Variants in PWWP2A observed in about 807,000 individuals in gnomAD.
The protein encoded by PWWP2A is PWWP domain-containing protein 2A.
Under a neutral mutation model 48.5 loss-of-function variants are expected in PWWP2A, and 18 were observed. The observed-to-expected ratio is 0.37, with a 90% CI of 0.26 to 0.55. PWWP2A has a LOEUF of 0.55. Among genes scored for constraint, PWWP2A ranks in the 20% least tolerant of loss-of-function variants. PWWP2A has a pLI of 0.81. For missense variants in PWWP2A, 867 were observed against 976.4 expected (o/e 0.89, Z 1.49); for synonymous variants, 396 against 387.7 (o/e 1.02, Z -0.25).
intron 1 of PWWP2A, among the ~76,000 whole-genome samples, chr5:160,095,047 CAAAAAAAAAAAAAA>C (rs70987998): frequency 4.2e-4 from 13 of 30,884 alleles, no homozygotes; most frequent in South Asian, 3.9e-3. Flanking sequence ...GACTCTGTCT[CAAAAAAAAAAAAAA>C]AAAAAAAAAA....
intron 1 of PWWP2A, among the ~76,000 whole-genome samples, chr5:160,100,397 G>A (rs1468535181): frequency 4.6e-5 from 7 of 152,090 alleles, no homozygotes; most frequent in East Asian, 1.9e-4. Flanking sequence ...GCTTGAGGTG[G>A]GAGGATTGCT....
At chr5:160,118,260 A>G (rs1758330648) in intron 1 of PWWP2A, among the ~76,000 whole-genome samples, 1 of 152,266 alleles carries the variant, frequency 6.6e-6, no homozygotes, top group African/African-American at 2.4e-5. Context: ...TCTAACCGTA[A>G]GAATTACAGT....
intron 1 of PWWP2A, among the ~76,000 whole-genome samples, chr5:160,110,972 C>CAAAAAA (rs1195225635): frequency 7.4e-5 from 4 of 54,128 alleles, no homozygotes; most frequent in Non-Finnish European, 1.6e-4. Flanking sequence ...GACTCTGTCT[C>CAAAAAA]AAAAAAAAAA....
Position 160,091,376 on chromosome 5 carries a change from GTTTTT to G in PWWP2A, c.*1001_*1005del. On this transcript the variant is annotated 3_prime_UTR_variant, in exon 2 of 2. Transcript: ENST00000307063. ...TGATTTTATTTACAGCTTTTTTTTGGTTTTTTTTTTTTTTTTTACATTTCAGAGCA... is the reference window on the plus strand; with the variant it reads ...TGATTTTATTTACAGCTTTTTTTTGGTTTTTTTTTTTTACATTTCAGAGCA... 2.3e-6 allele frequency: 2 copies of G among 880,382 alleles called. No homozygotes were observed. Among genetic ancestry groups the G allele is most frequent in the Non-Finnish European group, 2.7e-6 (2 of 749,330 alleles). The allele number at this position is 880,382 out of a possible 1,614,324, so 54.5% of individuals were successfully genotyped here.
At chr5:160,102,643 T>C (rs1756440600) in intron 1 of PWWP2A, among the ~76,000 whole-genome samples, 1 of 152,134 alleles carries the variant, frequency 6.6e-6, no homozygotes, top group African/African-American at 2.4e-5. Context: ...TAAAGAATTA[T>C]TAGTGCAAGG....
At chr5:160,101,189 A>G (rs1253124850) in intron 1 of PWWP2A, among the ~76,000 whole-genome samples, 1 of 152,198 alleles carries the variant, frequency 6.6e-6, no homozygotes, top group Non-Finnish European at 1.5e-5. Context: ...TGTCTCTACT[A>G]AAAATACAAA....
chr5:160,061,545 C>T (rs1054894076), downstream of PWWP2A, among the ~76,000 whole-genome samples: 2 of 152,128 alleles, frequency 1.3e-5, no homozygotes, highest in African/African-American at 2.4e-5. Flanking sequence ...GTCAGGTGAC[C>T]TTAGGTCTTC....
In PWWP2A at chr5:160,109,757, GAA is replaced by G. The variant is rs755988668; in HGVS notation, c.584+9046_584+9047del. Among the ~76,000 whole-genome samples, 205 of 53,282 alleles carry G rather than the reference GAA, an allele frequency of 3.8e-3. 1 individual carries two copies. The highest frequency in any genetic ancestry group is 5.9e-3 in the South Asian group (8 of 1,354). 35.0% of individuals were successfully genotyped at this position (53,282 alleles called of 152,430 possible). On this transcript the variant is annotated intron_variant, in intron 1 of 1. Coordinates refer to ENST00000307063, the MANE Select transcript of PWWP2A (RefSeq NM_001130864.2). The stretch of plus-strand genomic sequence containing the variant: ...AGGAAATGCAAGAGGATGCAACTGG[GAA>G]AAAAAAAAAAAAAAAATATATATAT...
At chr5:160,095,483 A>G (rs1755541754) in intron 1 of PWWP2A, among the ~76,000 whole-genome samples, 1 of 152,144 alleles carries the variant, frequency 6.6e-6, no homozygotes, top group African/African-American at 2.4e-5. Context: ...CATGTTGACT[A>G]TATGCACTAT....
At chr5:160,066,297 T>TTTTTTTTTTTC (rs1753607302) in intron 4 of PWWP2A, among the ~76,000 whole-genome samples, 3 of 60,748 alleles carry the variant, frequency 4.9e-5, no homozygotes, top group Non-Finnish European at 1.2e-4. Flanking sequence ...GTGGTTCTCA[T>TTTTTTTTTTTC]TTTTTTTTTT....
At chr5:160,089,674 G>A, downstream of PWWP2A, 1 of 1,283,274 alleles carries the variant, frequency 7.8e-7, no homozygotes, top group Non-Finnish European at 1.0e-6. Flanking sequence ...CAGAAATAAA[G>A]ACATTCTTAG....
At chr5:160,104,718 T>C (rs1756688793) in intron 1 of PWWP2A, among the ~76,000 whole-genome samples, 1 of 152,000 alleles carries the variant, frequency 6.6e-6, no homozygotes, top group Admixed American at 6.6e-5. Flanking sequence ...CGCAGGAGAA[T>C]TGCCTGAACC....
At chr5:160,090,454 C>T, downstream of PWWP2A, 1 of 981,842 alleles carries the variant, frequency 1.0e-6, no homozygotes, top group Non-Finnish European at 1.2e-6. Context: ...CTTATAACTT[C>T]TCAACCACAC....
rs180930397 is a variant in PWWP2A, at chr5:160,103,090, C to G, written c.585-9025G>C. ...AAGTAAAGGAGAATGATGTCTTCAACTCAGTCTCAAACAGTTCAGGAAACA... is the reference window on the plus strand; with the variant it reads ...AAGTAAAGGAGAATGATGTCTTCAAGTCAGTCTCAAACAGTTCAGGAAACA... On this transcript the variant is annotated intron_variant, in intron 1 of 1. Coordinates refer to ENST00000307063, the MANE Select transcript of PWWP2A (RefSeq NM_001130864.2). 6.0e-3 allele frequency among the ~76,000 whole-genome samples: 910 copies of G among 152,254 alleles called. 9 individuals carry two copies. The highest frequency in any genetic ancestry group is 6.9e-3 in the Non-Finnish European group (470 of 68,024).
intron 5 of PWWP2A, among the ~76,000 whole-genome samples, chr5:160,062,793 G>A (rs1315063437): frequency 6.6e-6 from 1 of 151,778 alleles, no homozygotes; most frequent in African/African-American, 2.4e-5. Flanking sequence ...CATTTTCTTG[G>A]GCTGCTTTTG....
intron 4 of PWWP2A, among the ~76,000 whole-genome samples, chr5:160,066,180 A>T (rs914533813): frequency 1.3e-5 from 2 of 152,086 alleles, no homozygotes; most frequent in East Asian, 3.9e-4. Flanking sequence ...TTTCCTGAAA[A>T]TGTGTGTGTG....
In PWWP2A at chr5:160,092,575, C is replaced by T. The variant is rs1411692785; in HGVS notation, c.2075G>A (p.Arg692His). ...DNGLLVRQEA[R>H]ISWFGSPTTS... is the part of the protein sequence containing the mutation. ...TGTTGGAGACCCAAACCATGAAATACGGGCCTCCTGTCGGACTAAAAGGCC... is the reference window on the plus strand; with the variant it reads ...TGTTGGAGACCCAAACCATGAAATATGGGCCTCCTGTCGGACTAAAAGGCC... The change falls in exon 2 of 2, where the codon CGT becomes CAT. Residue 692 changes from arginine to histidine, a missense_variant. Transcript: ENST00000307063. 6.6e-5 allele frequency: 102 copies of T among 1,551,488 alleles called. No homozygotes were observed. Among genetic ancestry groups the T allele is most frequent in the Non-Finnish European group, 8.1e-5 (93 of 1,146,974 alleles).
chr5:160,111,398 C>T (rs1581270215), intron 1 of PWWP2A, among the ~76,000 whole-genome samples: 2 of 152,128 alleles, frequency 1.3e-5, no homozygotes, highest in East Asian at 1.9e-4. Flanking sequence ...GAACTCCTGA[C>T]GTCAGGTGAT....
At chr5:160,112,906 C>T (rs562199046) in intron 1 of PWWP2A, among the ~76,000 whole-genome samples, 1 of 152,182 alleles carries the variant, frequency 6.6e-6, no homozygotes, top group Non-Finnish European at 1.5e-5. Flanking sequence ...ACCTGTAATC[C>T]CAACACTTTG....
Sources: allele counts gnomAD v4.1 joint callset (sites outside exome capture counted in the v4.1 genomes callset), GRCh38; gene constraint gnomAD v4.1.1; transcripts MANE v1.5; gene names NCBI Gene and HGNC (gene_info 2026-07-23, HGNC 2026-07-21).